The following EFR3A variants were observed in gnomAD, a reference collection of about 807,000 sequenced individuals.
EFR3A encodes EFR3 homolog A.
EFR3A carries 76 observed loss-of-function variants against 104.4 expected under a neutral mutation model. The ratio of observed to expected loss-of-function variants is 0.73; its 90% CI spans 0.60 to 0.88. The LOEUF (loss-of-function observed/expected upper bound fraction) is 0.88. EFR3A is among the 40% of genes least tolerant of loss of function. The pLI is 0.00. For missense variants in EFR3A, 985 were observed against 1,012.5 expected (o/e 0.97, Z 0.37); for synonymous variants, 330 against 330.0 (o/e 1.00, Z 0.00).
intron 18 of EFR3A, among the ~76,000 whole-genome samples, chr8:131,992,177 C>T (rs1484281050): frequency 6.6e-6 from 1 of 152,102 alleles, no homozygotes; most frequent in African/African-American, 2.4e-5. Context: ...TACCTAGATG[C>T]TATAAGCAGA....
rs529635833 is a variant in EFR3A, at chr8:131,983,508, A to G, written c.1576-631A>G. On this transcript the variant is annotated intron_variant, in intron 14 of 22. Transcript: ENST00000254624. ...AAAGGCTTTAATAATCTTTATTATA[A>G]TAATAAATAATAAATCTTTATTATA... Among the ~76,000 whole-genome samples, 3 of 152,162 alleles carry G rather than the reference A, an allele frequency of 2.0e-5. No individual in the cohort carries two copies. In the South Asian group the frequency reaches 6.2e-4, roughly 32 times the overall value.
intron 17 of EFR3A, among the ~76,000 whole-genome samples, chr8:131,986,709 C>G (rs1200153318): frequency 2.0e-5 from 3 of 149,152 alleles, no homozygotes; most frequent in African/African-American, 7.4e-5. Flanking sequence ...CGCTTGATCC[C>G]AGGAGGTGGA....
intron 11 of EFR3A, among the ~76,000 whole-genome samples, 163 bp from the exon 12 acceptor site, chr8:131,976,878 C>T (rs937265577): frequency 3.3e-5 from 5 of 151,920 alleles, no homozygotes; most frequent in Non-Finnish European, 7.4e-5. Flanking sequence ...TTTTAATTCA[C>T]GTGAAATTTT....
At chr8:131,976,393 G>A (rs1449217995) in intron 11 of EFR3A, among the ~76,000 whole-genome samples, 2 of 152,044 alleles carry the variant, frequency 1.3e-5, no homozygotes, top group South Asian at 2.1e-4. Flanking sequence ...TGGACATTGT[G>A]TGTGTGCATA....
chr8:131,966,410 C>T (rs1819741301), intron 8 of EFR3A, among the ~76,000 whole-genome samples: 1 of 152,000 alleles, frequency 6.6e-6, no homozygotes, highest in Non-Finnish European at 1.5e-5. Context: ...GAATGAAATG[C>T]TCTTTTGTCG....
Position 132,011,176 on chromosome 8 carries a change from G to T in EFR3A, c.*281G>T. 3 of 1,081,946 alleles carry T rather than the reference G, an allele frequency of 2.8e-6. No homozygotes were observed. The highest frequency in any genetic ancestry group is 3.4e-6 in the Non-Finnish European group (3 of 888,952). 67.0% of individuals were successfully genotyped at this position (1,081,946 alleles called of 1,614,324 possible). A position where few individuals can be genotyped will look rare whatever the true frequency, so the allele number is the denominator to read the frequency against. On this transcript the variant is annotated 3_prime_UTR_variant, in exon 23 of 23. Transcript: ENST00000254624. Reference sequence around the variant, plus strand: ...TTTCACTTTATTCCACTGTTAAGTAGTATGTTTTAAACTTTTCACAAATGT... The same window carrying T: ...TTTCACTTTATTCCACTGTTAAGTATTATGTTTTAAACTTTTCACAAATGT...
At position 131,979,330 on chromosome 8, in the gene EFR3A, T is replaced by A. The variant is rs751423055; in HGVS notation, c.1500-16T>A. Reference sequence around the variant, plus strand: ...AGTGTGCTATTCATTAAAAATGATATATTGATCGTCTCTAGAATAATACCG... The same window carrying A: ...AGTGTGCTATTCATTAAAAATGATAAATTGATCGTCTCTAGAATAATACCG... On this transcript the variant is annotated splice_polypyrimidine_tract_variant and intron_variant, in intron 13 of 22. Transcript: ENST00000254624. 7.9e-6 allele frequency: 12 copies of A among 1,517,546 alleles called. No individual in the cohort carries two copies. Among genetic ancestry groups the A allele is most frequent in the Non-Finnish European group, 1.1e-5 (12 of 1,119,216 alleles). 94.0% of individuals were successfully genotyped at this position (1,517,546 alleles called of 1,614,324 possible).
intron 8 of EFR3A, among the ~76,000 whole-genome samples, chr8:131,960,746 TA>T (rs1438572803): frequency 6.6e-6 from 1 of 152,192 alleles, no homozygotes; most frequent in African/African-American, 2.4e-5. Context: ...GCATTTCTGG[TA>T]AAGGGAAAGT....
chr8:131,912,525 A>C (rs1178620156), intron 1 of EFR3A, among the ~76,000 whole-genome samples: 1 of 152,188 alleles, frequency 6.6e-6, no homozygotes. Flanking sequence ...CAGCATTTTT[A>C]GAAAGCAATA....
chr8:131,916,246 G>A (rs920232949), intron 1 of EFR3A, among the ~76,000 whole-genome samples: 2 of 152,232 alleles, frequency 1.3e-5, no homozygotes, highest in African/African-American at 4.8e-5. Context: ...TTAAAATACA[G>A]TAGTCTAATT....
rs1821649958 is a variant in EFR3A at position 131,999,059 on chromosome 8, A to T, written c.2157+2562A>T. The stretch of plus-strand genomic sequence containing the variant: ...GCTTCCTTATATATGCATAACTGAT[A>T]TGAGTAAAACCTGAAATCACCACAC... On this transcript the variant is annotated intron_variant, in intron 19 of 22. Coordinates refer to ENST00000254624, the MANE Select transcript of EFR3A (RefSeq NM_015137.6). Among the ~76,000 whole-genome samples the T allele has an allele frequency of 2.6e-5, 4 of 152,254 alleles. No homozygotes were observed. In the South Asian group the frequency reaches 8.3e-4, roughly 32 times the overall value.
At position 131,968,236 on chromosome 8, in the gene EFR3A, G is replaced by A. The variant is rs527464615; in HGVS notation, c.856-59G>A. ...TGTCAGGTGTTTTTTTTATTCTTAG[G>A]AATTCTGCCAAGGTACATGTACTTT... On this transcript the variant is annotated intron_variant, in intron 8 of 22. Transcript: ENST00000254624. 2.1e-4 allele frequency: 322 copies of A among 1,521,118 alleles called. 4 individuals are homozygous for A. The South Asian group carries it at 3.9e-3, about 19-fold the overall frequency. The allele number at this position is 1,521,118 out of a possible 1,614,324, so 94.2% of individuals were successfully genotyped here.
chr8:132,010,449 T>TATATATATATATATA (rs1326843233), intron 22 of EFR3A, among the ~76,000 whole-genome samples: 3 of 128,402 alleles, frequency 2.3e-5, no homozygotes, highest in Admixed American at 8.0e-5. Context: ...TATATATATA[T>TATATATATATATATA]AATGAAATAC....
chr8:131,917,322 C>T (rs569311940), intron 1 of EFR3A, among the ~76,000 whole-genome samples: 5 of 152,322 alleles, frequency 3.3e-5, no homozygotes, highest in South Asian at 4.1e-4. Context: ...CTTTCCTCCC[C>T]GTCGATTGGT....
chr8:131,938,463 C>A, intron 1 of EFR3A: 1 of 382,472 alleles, frequency 2.6e-6, no homozygotes, highest in Non-Finnish European at 4.6e-6. Flanking sequence ...TTTATAAAAA[C>A]CTGAAATTGT....
At chr8:132,009,674 G>A (rs928651593) in intron 22 of EFR3A, among the ~76,000 whole-genome samples, 5 of 152,030 alleles carry the variant, frequency 3.3e-5, no homozygotes, top group Non-Finnish European at 7.4e-5. Flanking sequence ...AGGGTCGGGG[G>A]AAGTTTTCCA....
chr8:132,002,798 T>A, intron 21 of EFR3A, 92 bp downstream of exon 21: 1 of 1,024,816 alleles, frequency 9.8e-7, no homozygotes. Context: ...CAAGCTTTAG[T>A]CAAATCAACG....
At chr8:132,009,230 T>TA (rs1260128577) in intron 22 of EFR3A, among the ~76,000 whole-genome samples, 6 of 152,200 alleles carry the variant, frequency 3.9e-5, no homozygotes, top group African/African-American at 1.4e-4. Flanking sequence ...ATATAAGACT[T>TA]ACATGAAGAA....
chr8:131,928,354 AATTTTTTTCTTCAGACATTT>A (rs1479303382), intron 1 of EFR3A, among the ~76,000 whole-genome samples: 3 of 152,054 alleles, frequency 2.0e-5, no homozygotes, highest in African/African-American at 7.2e-5. Flanking sequence ...GACATTATAC[AATTTTTTTCTTCAGACATTT>A]ATCATCAGAT....
Sources: gnomAD v4.1 joint callset for allele counts (sites outside exome capture counted in the v4.1 genomes callset) on GRCh38, gnomAD v4.1.1 for gene constraint, MANE v1.5 for transcripts, NCBI Gene and HGNC (gene_info 2026-07-23, HGNC 2026-07-21) for gene names.